EIF2B1: variants seen among roughly 807,000 people sequenced by gnomAD.
EIF2B1 encodes the protein translation initiation factor eIF2B subunit alpha.
A neutral mutation model predicts 36.8 loss-of-function variants in EIF2B1; 30 were observed. The ratio of observed to expected loss-of-function variants is 0.81; its 90% CI spans 0.61 to 1.10. The LOEUF (loss-of-function observed/expected upper bound fraction) is 1.10, where lower values mean the gene tolerates loss of function less well. EIF2B1 is among the 50% of genes least tolerant of loss of function. EIF2B1 has a pLI of 0.00. For missense variants in EIF2B1, 271 were observed against 374.8 expected, an observed-to-expected ratio of 0.72 and a Z score of 2.29; for synonymous variants, 139 against 142.2, an observed-to-expected ratio of 0.98 and a Z score of 0.16.
intron 1 of EIF2B1, among the ~76,000 whole-genome samples, chr12:123,632,935 G>A (rs1955211129): frequency 8.3e-6 from 1 of 121,042 alleles, no homozygotes; most frequent in Non-Finnish European, 1.6e-5. Flanking sequence ...GACAGAGCGA[G>A]ACTCCGTCTC....
chr12:123,626,354 A>C, intron 6 of EIF2B1, 71 bp downstream of exon 6: 1 of 1,594,972 alleles, frequency 6.3e-7, no homozygotes, highest in Non-Finnish European at 8.6e-7. Context: ...TCAAACTTTC[A>C]ATCTGAAAAC....
At position 123,630,363 on chromosome 12, in the gene EIF2B1, T is replaced by G. The variant is rs1193590071; in HGVS notation, c.252+34A>C. 2.4e-5 allele frequency: 38 copies of G among 1,613,872 alleles called. No individual in the cohort carries two copies. Among genetic ancestry groups the G allele is most frequent in the Non-Finnish European group, 3.0e-5 (35 of 1,179,992 alleles). ...GAATGTCTGTCACTAAACAGAGAAG[T>G]GGAAAGGTAACCCCAGGGAGAACAG... On this transcript the variant is annotated intron_variant, in intron 3 of 8. Transcript: ENST00000424014. The surrounding 1 kb of genome is among the most constrained non-coding windows in gnomAD (Gnocchi z 4.6).
chr12:123,628,805 TC>T (rs1178531719), intron 4 of EIF2B1, among the ~76,000 whole-genome samples: 2 of 152,132 alleles, frequency 1.3e-5, no homozygotes, highest in African/African-American at 4.8e-5. Flanking sequence ...ACCCACTGAA[TC>T]CCGATCTGCA....
In EIF2B1 at chr12:123,625,262, CT is replaced by C. The variant is rs112128656; in HGVS notation, c.552-401del. Among the ~76,000 whole-genome samples the C allele has an allele frequency of 3.6e-4, 53 of 147,494 alleles. No individual in the cohort carries two copies. In the South Asian group the frequency reaches 6.0e-3, roughly 17 times the overall value. On this transcript the variant is annotated intron_variant, in intron 6 of 8. Coordinates refer to ENST00000424014, the MANE Select transcript of EIF2B1 (RefSeq NM_001414.4). The stretch of plus-strand genomic sequence containing the variant: ...GTGTTATGCAGTTTTAAAAATCTTT[CT>C]TTTTTTTTTTGAGACCAGATCTCAC...
rs1359447250 is a variant in EIF2B1, at chr12:123,620,648, A to G, written c.*1108T>C. ...TATATAAGCTCTTTTTTCTGAGGCT[A>G]TTTTATAGTTATTTTTAAACATAAA... On this transcript the variant is annotated 3_prime_UTR_variant, in exon 9 of 9. Transcript: ENST00000424014. 2 of 114,952 alleles carry G rather than the reference A, an allele frequency of 1.7e-5. No individual in the cohort carries two copies. The highest frequency in any genetic ancestry group is 3.2e-5 in the African/African-American group (1 of 31,476). The allele number at this position is 114,952 out of a possible 1,614,324, so 7.1% of individuals were successfully genotyped here.
chr12:123,630,948 T>A lies in EIF2B1; in HGVS notation c.116-415A>T, dbSNP rs1362416556. ...CTGGAGGTTGCCTTAAAGACATGTGTCTCTAGGCAAGCCCTTCAGATTAAA... is the reference window on the plus strand; with the variant it reads ...CTGGAGGTTGCCTTAAAGACATGTGACTCTAGGCAAGCCCTTCAGATTAAA... On this transcript the variant is annotated intron_variant, in intron 2 of 8. Transcript: ENST00000424014. This position sits in a 1 kb window ranked among gnomAD's most constrained non-coding sequence, Gnocchi z 4.6. Among the ~76,000 whole-genome samples the A allele has an allele frequency of 1.3e-5, 2 of 152,200 alleles. No homozygotes were observed. The highest frequency in any genetic ancestry group is 2.9e-5 in the Non-Finnish European group (2 of 68,042).
At position 123,630,779 on chromosome 12, in the gene EIF2B1, A is replaced by G. The variant is rs371234055; in HGVS notation, c.116-246T>C. ...TAGAAATAAAGCTGGGTGGCTGGGC[A>G]TGGTGGCTCACGCCTGTAATCTCAG... On this transcript the variant is annotated intron_variant, in intron 2 of 8. Transcript: ENST00000424014. This position sits in a 1 kb window ranked among gnomAD's most constrained non-coding sequence, Gnocchi z 4.6. Among the ~76,000 whole-genome samples the G allele has an allele frequency of 6.6e-6, 1 of 152,156 alleles. No homozygotes were observed. Among genetic ancestry groups the G allele is most frequent in the Non-Finnish European group, 1.5e-5 (1 of 68,020 alleles).
At chr12:123,625,690 T>C (rs1955143393) in intron 6 of EIF2B1, among the ~76,000 whole-genome samples, 1 of 152,228 alleles carries the variant, frequency 6.6e-6, no homozygotes, top group Non-Finnish European at 1.5e-5. Context: ...CAGGAACATG[T>C]GACTTGGCTT....
chr12:123,632,510 G>A, intron 1 of EIF2B1, 64 bp from the exon 2 acceptor site: 1 of 1,082,854 alleles, frequency 9.2e-7, no homozygotes, highest in Non-Finnish European at 1.4e-6. Context: ...AAGAGAGCTT[G>A]TTAATGACTG....
intron 1 of EIF2B1, 38 bp downstream of exon 1, chr12:123,633,507 C>T (rs1213005693): frequency 6.2e-7 from 1 of 1,613,756 alleles, no homozygotes; most frequent in Admixed American, 1.7e-5. Flanking sequence ...CTGAACGGCG[C>T]TGCTGTAGCC....
At chr12:123,623,371 A>G (rs1955123372) in intron 7 of EIF2B1, among the ~76,000 whole-genome samples, 1 of 152,284 alleles carries the variant, frequency 6.6e-6, no homozygotes, top group East Asian at 1.9e-4. Flanking sequence ...GGACAGCAAG[A>G]GTGAAACTCC....
At chr12:123,621,975 T>G in intron 8 of EIF2B1, 55 bp from the exon 9 acceptor site, 1 of 1,602,256 alleles carries the variant, frequency 6.2e-7, no homozygotes, top group Non-Finnish European at 8.5e-7. Context: ...TCTGACCTGG[T>G]AGGGCCTTGG....
rs1388150771 is a variant in EIF2B1, at chr12:123,626,808, A to G, written c.482+236T>C. 5.8e-6 allele frequency: 4 copies of G among 685,632 alleles called. No individual in the cohort carries two copies. The East Asian group carries it at 1.1e-4, about 19-fold the overall frequency. 42.5% of individuals were successfully genotyped at this position (685,632 alleles called of 1,614,324 possible). ...TTCCTTGATAAAAATCTTCATCAAT[A>G]CAATCTCTGCTCTTCCACGGAGTTA... On this transcript the variant is annotated intron_variant, in intron 5 of 8. Coordinates refer to ENST00000424014, the MANE Select transcript of EIF2B1 (RefSeq NM_001414.4).
At chr12:123,628,303 C>T (rs1955162950) in intron 4 of EIF2B1, among the ~76,000 whole-genome samples, 2 of 151,372 alleles carry the variant, frequency 1.3e-5, no homozygotes, top group South Asian at 2.1e-4. Flanking sequence ...TCAAGGGAAC[C>T]TCCGGCTAGG....
At chr12:123,632,208 C>A (rs1034804798) in intron 2 of EIF2B1, 137 bp downstream of exon 2, 3 of 674,054 alleles carry the variant, frequency 4.5e-6, no homozygotes, top group Admixed American at 4.8e-5. Context: ...GCGGAGGTTG[C>A]AGTGAGCCAA....
chr12:123,633,677 C>T lies in EIF2B1; in HGVS notation c.-120G>A, dbSNP rs531836165. 2.0e-6 allele frequency: 3 copies of T among 1,517,920 alleles called. No individual in the cohort carries two copies. Among genetic ancestry groups the T allele is most frequent in the South Asian group, 2.2e-5 (2 of 89,118 alleles). 94.0% of individuals were successfully genotyped at this position (1,517,920 alleles called of 1,614,324 possible). Reference sequence around the variant, plus strand: ...GCGCGCTGCACACCTCCGCACCCCACTTCCGGCGCACTTCCGTACCCCTCT... The same window carrying T: ...GCGCGCTGCACACCTCCGCACCCCATTTCCGGCGCACTTCCGTACCCCTCT... On this transcript the variant is annotated 5_prime_UTR_variant, in exon 1 of 9. In the 5' UTR this introduces an upstream ATG that the reference lacks. Coordinates refer to ENST00000424014, the MANE Select transcript of EIF2B1 (RefSeq NM_001414.4).
Position 123,630,125 on chromosome 12 carries a change from G to C in EIF2B1, c.369+44C>G. On this transcript the variant is annotated intron_variant, in intron 4 of 8. Coordinates refer to ENST00000424014, the MANE Select transcript of EIF2B1 (RefSeq NM_001414.4). The surrounding 1 kb of genome is among the most constrained non-coding windows in gnomAD (Gnocchi z 4.6). ...GATTTTACCCCAGGCAGTCGGACTC[G>C]AAACCGTTGCTCCTCCTTACCACCA... 6.3e-7 allele frequency: 1 copy of C among 1,580,002 alleles called. No individual in the cohort carries two copies. The highest frequency in any genetic ancestry group is 8.7e-7 in the Non-Finnish European group (1 of 1,150,598).
intron 7 of EIF2B1, among the ~76,000 whole-genome samples, chr12:123,623,662 T>TG (rs1259528635): frequency 1.3e-5 from 2 of 151,950 alleles, no homozygotes; most frequent in African/African-American, 4.8e-5. Context: ...TTAGTAGATA[T>TG]GGGGTTTCAC....
intron 1 of EIF2B1, 54 bp from the exon 2 acceptor site, chr12:123,632,500 AAG>A: frequency 1.6e-6 from 2 of 1,215,440 alleles, no homozygotes; most frequent in Non-Finnish European, 2.4e-6. Flanking sequence ...CCTATAAGGC[AAG>A]AGAGCTTGTT....
Sources: gnomAD v4.1 joint callset for allele counts (sites outside exome capture counted in the v4.1 genomes callset) on GRCh38, gnomAD v4.1.1 for gene constraint, Gnocchi (gnomAD v3.1) non-coding constraint, MANE v1.5 for transcripts, NCBI Gene and HGNC (gene_info 2026-07-23, HGNC 2026-07-21) for gene names.